Variants in GRM3 observed in about 807,000 individuals in gnomAD.
The protein encoded by GRM3 is glutamate metabotropic receptor 3, also known as metabotropic glutamate receptor 3.
In GRM3, 26 loss-of-function variants were observed where a neutral mutation model predicts 70.5. The ratio of observed to expected loss-of-function variants is 0.37; its 90% CI spans 0.27 to 0.51. The LOEUF (loss-of-function observed/expected upper bound fraction) is 0.51, where lower values mean the gene tolerates loss of function less well. Among genes scored for constraint, GRM3 ranks in the 20% least tolerant of loss-of-function variants. The pLI, the probability that GRM3 is intolerant of heterozygous loss-of-function variation, is 0.93. For missense variants in GRM3, 859 were observed against 1,123.8 expected (o/e 0.76, Z 3.37); for synonymous variants, 443 against 434.9 (o/e 1.02, Z -0.23).
intron 1 of GRM3, among the ~76,000 whole-genome samples, chr7:86,725,391 G>T (rs545689945): frequency 6.6e-6 from 1 of 152,102 alleles, no homozygotes; most frequent in Non-Finnish European, 1.5e-5. Flanking sequence ...GGGCATGATA[G>T]CCTCAGGGTA....
At chr7:86,821,683 A>G (rs1798123307) in intron 3 of GRM3, among the ~76,000 whole-genome samples, 1 of 152,096 alleles carries the variant, frequency 6.6e-6, no homozygotes, top group African/African-American at 2.4e-5. Context: ...GAGCAAATAA[A>G]CGATTCCTCG....
intron 1 of GRM3, among the ~76,000 whole-genome samples, chr7:86,709,260 G>A (rs1003166343): frequency 2.0e-5 from 3 of 151,714 alleles, no homozygotes; most frequent in Admixed American, 6.6e-5. Context: ...CCCCGTAACC[G>A]CAATGAGTTC....
At chr7:86,668,831 T>C (rs142572823) in intron 1 of GRM3, among the ~76,000 whole-genome samples, 97 of 152,228 alleles carry the variant, frequency 6.4e-4, no homozygotes, top group African/African-American at 2.2e-3. Flanking sequence ...GGTGGTGATT[T>C]TAGAAATGGG....
intron 5 of GRM3, among the ~76,000 whole-genome samples, chr7:86,860,081 G>T (rs1798926931): frequency 6.6e-6 from 1 of 152,080 alleles, no homozygotes; most frequent in Non-Finnish European, 1.5e-5. Flanking sequence ...CAAGTCCCAG[G>T]AAAGCCAAAA....
chr7:86,741,281 G>A lies in GRM3; in HGVS notation c.-140-23725G>A, dbSNP rs189857157. Among the ~76,000 whole-genome samples, 1,355 of 152,238 alleles carry A rather than the reference G, an allele frequency of 8.9e-3. 16 individuals are homozygous for A. The highest frequency in any genetic ancestry group is 0.031 in the African/African-American group (1,290 of 41,550). ...AACTTACATACACGGTATTCCAGTG[G>A]CGGTGGGCCGGACAGGAAAACCACA... On this transcript the variant is annotated intron_variant, in intron 1 of 5. Transcript: ENST00000361669.
chr7:86,700,860 G>T (rs1794932355), intron 1 of GRM3, among the ~76,000 whole-genome samples: 1 of 151,848 alleles, frequency 6.6e-6, no homozygotes, highest in African/African-American at 2.4e-5. Context: ...AGACTTATAA[G>T]CATTCAACTT....
intron 1 of GRM3, 36 bp from the exon 2 acceptor site, chr7:86,764,970 T>G (rs1294329571): frequency 7.1e-7 from 1 of 1,405,408 alleles, no homozygotes; most frequent in Non-Finnish European, 9.3e-7. Flanking sequence ...GTTGCTTTCT[T>G]TACCATTTTT....
intron 3 of GRM3, among the ~76,000 whole-genome samples, chr7:86,790,587 C>T (rs1304966565): frequency 6.6e-6 from 1 of 152,104 alleles, no homozygotes; most frequent in African/African-American, 2.4e-5. Context: ...AGTCAACAGC[C>T]TTACAATGTC....
intron 1 of GRM3, among the ~76,000 whole-genome samples, chr7:86,694,860 C>A (rs75924777): frequency 0.013 from 2,037 of 152,246 alleles, 38 homozygotes; most frequent in African/African-American, 0.047. Flanking sequence ...GGAGAAATAA[C>A]TCTTATTTTC....
chr7:86,775,927 G>A (rs145300014), intron 2 of GRM3: 1 of 151,964 alleles, frequency 6.6e-6, no homozygotes, highest in African/African-American at 2.4e-5. Flanking sequence ...TTTTGTGTAA[G>A]TTTGTATTCA....
chr7:86,724,805 G>C (rs1795554667), intron 1 of GRM3, among the ~76,000 whole-genome samples: 1 of 152,066 alleles, frequency 6.6e-6, no homozygotes, highest in Admixed American at 6.6e-5. Context: ...CTCACTTGAT[G>C]ATCACTTACT....
chr7:86,691,233 C>A lies in GRM3; in HGVS notation c.-141+46361C>A, dbSNP rs116714279. Among the ~76,000 whole-genome samples, 1,006 of 152,266 alleles carry A rather than the reference C, an allele frequency of 6.6e-3. 8 individuals are homozygous for A. Among genetic ancestry groups the A allele is most frequent in the African/African-American group, 0.023 (966 of 41,558 alleles). On this transcript the variant is annotated intron_variant, in intron 1 of 5. Transcript: ENST00000361669. ...TACAACCTGCCCAGGTCATCTTGATCATTGCCATTGCCTGGATCTCTTTAC... is the reference window on the plus strand; with the variant it reads ...TACAACCTGCCCAGGTCATCTTGATAATTGCCATTGCCTGGATCTCTTTAC...
chr7:86,722,833 T>G (rs1215246886), intron 1 of GRM3, among the ~76,000 whole-genome samples: 1 of 152,130 alleles, frequency 6.6e-6, no homozygotes, highest in African/African-American at 2.4e-5. Flanking sequence ...GTTGTAAGAA[T>G]TCCATCTATT....
At chr7:86,781,153 A>G (rs779623249) in intron 2 of GRM3, among the ~76,000 whole-genome samples, 5 of 152,108 alleles carry the variant, frequency 3.3e-5, no homozygotes, top group Non-Finnish European at 5.9e-5. Flanking sequence ...TAAATGAGAA[A>G]ACACATCTGC....
intron 4 of GRM3, among the ~76,000 whole-genome samples, chr7:86,843,010 G>C (rs1316524972): frequency 1.3e-5 from 2 of 152,080 alleles, no homozygotes; most frequent in African/African-American, 4.8e-5. Context: ...AGCCATATCA[G>C]TCTTACTCAG....
intron 1 of GRM3, among the ~76,000 whole-genome samples, chr7:86,691,593 G>A (rs2116031937): frequency 6.6e-6 from 1 of 152,294 alleles, no homozygotes; most frequent in East Asian, 1.9e-4. Context: ...AACCCCCAAA[G>A]CAACAGTGTT....
chr7:86,671,106 C>T (rs867117442), intron 1 of GRM3, among the ~76,000 whole-genome samples: 1 of 152,220 alleles, frequency 6.6e-6, no homozygotes, highest in African/African-American at 2.4e-5. Flanking sequence ...TCTCCGCTCA[C>T]TGCAACCTCT....
At chr7:86,660,978 A>C (rs1375530074) in intron 1 of GRM3, among the ~76,000 whole-genome samples, 1 of 152,034 alleles carries the variant, frequency 6.6e-6, no homozygotes, top group Non-Finnish European at 1.5e-5. Context: ...GAAAGCCAAC[A>C]ACAAATGAAA....
At chr7:86,723,462 C>A (rs1225582047) in intron 1 of GRM3, among the ~76,000 whole-genome samples, 1 of 152,012 alleles carries the variant, frequency 6.6e-6, no homozygotes, top group Non-Finnish European at 1.5e-5. Context: ...TTTCTCTGAG[C>A]TAAACTTAAA....
Sources: gnomAD v4.1 joint callset for allele counts (sites outside exome capture counted in the v4.1 genomes callset) on GRCh38, gnomAD v4.1.1 for gene constraint, MANE v1.5 for transcripts, NCBI Gene and HGNC (gene_info 2026-07-23, HGNC 2026-07-21) for gene names.